Variants in SLC28A1 observed in about 807,000 individuals in gnomAD.
The protein encoded by SLC28A1 is solute carrier family 28 member 1.
A neutral mutation model predicts 74.8 loss-of-function variants in SLC28A1; 64 were observed. The ratio of observed to expected loss-of-function variants is 0.86; its 90% CI spans 0.70 to 1.05. The LOEUF (loss-of-function observed/expected upper bound fraction) is 1.05, where lower values mean the gene tolerates loss of function less well. SLC28A1 is among the 50% of genes least tolerant of loss of function. The pLI, the probability that SLC28A1 is intolerant of heterozygous loss-of-function variation, is 0.00. For missense variants in SLC28A1, 828 were observed against 822.8 expected (o/e 1.01, Z -0.08); for synonymous variants, 359 against 335.0 (o/e 1.07, Z -0.78).
At chr15:84,961,463 C>G in the SLC28A1 span, 1 of 452,644 alleles carries the variant, frequency 2.2e-6, no homozygotes, top group African/African-American at 2.0e-5. Flanking sequence ...TCCCAAGCAG[C>G]TGGGACTACA....
chr15:84,891,741 G>A (rs900590132), intron 5 of SLC28A1, among the ~76,000 whole-genome samples: 3 of 152,236 alleles, frequency 2.0e-5, no homozygotes, highest in Non-Finnish European at 4.4e-5. Context: ...GCGGATGGCA[G>A]ATGAGGCTGT....
chr15:84,903,459 G>A (rs1320520526), intron 6 of SLC28A1, among the ~76,000 whole-genome samples: 1 of 152,246 alleles, frequency 6.6e-6, no homozygotes, highest in Non-Finnish European at 1.5e-5. Flanking sequence ...GTAGTACCCA[G>A]TGAATTGATG....
chr15:84,928,296 C>T (rs1348808274), intron 12 of SLC28A1, among the ~76,000 whole-genome samples: 2 of 152,054 alleles, frequency 1.3e-5, no homozygotes, highest in Non-Finnish European at 2.9e-5. Flanking sequence ...GGAAAAGCAC[C>T]TAACAAACAA....
intron 15 of SLC28A1, chr15:84,938,368 T>A (rs1199900860): frequency 1.3e-5 from 2 of 152,042 alleles, no homozygotes; most frequent in African/African-American, 4.8e-5. Context: ...ATAGTAGGTG[T>A]ATAGATTTAT....
intron 16 of SLC28A1, among the ~76,000 whole-genome samples, chr15:84,944,209 C>A (rs1462754374): frequency 2.6e-5 from 4 of 152,224 alleles, no homozygotes; most frequent in Non-Finnish European, 4.4e-5. Context: ...GGTATAATCA[C>A]CCCATTTTAC....
Position 84,890,503 on chromosome 15 carries a change from T to G in SLC28A1, c.246T>G (p.Phe82Leu), listed in dbSNP as rs377187658. Residue 82 changes from phenylalanine to leucine, a missense_variant, in exon 5 of 19, where the codon TTT becomes TTG. Transcript: ENST00000394573. ...RSFCREHMQL[F>L]RWIGTGLLCT... Reference sequence around the variant, plus strand: ...TCTGCAGGGAGCACATGCAGCTGTTTCGATGGATCGGCACAGGCCTGCTCT... The same window carrying G: ...TCTGCAGGGAGCACATGCAGCTGTTGCGATGGATCGGCACAGGCCTGCTCT... The G allele has an allele frequency of 6.2e-7, 1 of 1,611,286 alleles. No individual in the cohort carries two copies. The highest frequency in any genetic ancestry group is 1.3e-5 in the African/African-American group (1 of 74,910).
the SLC28A1 span, among the ~76,000 whole-genome samples, chr15:84,965,907 G>GTGC: frequency 4.7e-5 from 7 of 149,850 alleles, no homozygotes; most frequent in African/African-American, 1.8e-4. Context: ...GCGGGGAGGG[G>GTGC]GGGGAAATAT....
chr15:84,900,805 C>T (rs572697264), intron 6 of SLC28A1, among the ~76,000 whole-genome samples: 114 of 150,268 alleles, frequency 7.6e-4, no homozygotes, highest in African/African-American at 2.8e-3. Flanking sequence ...ACAAAGCAGA[C>T]CCTGCCTCAA....
intron 9 of SLC28A1, among the ~76,000 whole-genome samples, chr15:84,909,199 C>A (rs919751275): frequency 6.6e-6 from 1 of 152,050 alleles, no homozygotes; most frequent in Non-Finnish European, 1.5e-5. Flanking sequence ...AAGGCTTAGG[C>A]TCAAATGATC....
the SLC28A1 span, among the ~76,000 whole-genome samples, chr15:84,959,189 G>A: frequency 2.7e-5 from 4 of 150,382 alleles, no homozygotes; most frequent in East Asian, 4.0e-4. Flanking sequence ...TTGCAGCCTC[G>A]ACCATCCCAG....
At chr15:84,918,796 C>T (rs1969451566) in intron 10 of SLC28A1, among the ~76,000 whole-genome samples, 192 bp downstream of exon 10, 1 of 151,426 alleles carries the variant, frequency 6.6e-6, no homozygotes, top group Admixed American at 6.6e-5. Context: ...AAGTTCCACA[C>T]CTTTCTGGAA....
At chr15:84,890,017 G>C (rs888841685) in intron 4 of SLC28A1, among the ~76,000 whole-genome samples, 3 of 152,054 alleles carry the variant, frequency 2.0e-5, no homozygotes, top group Admixed American at 2.0e-4. Context: ...TGTGTTTTTG[G>C]TAGAGAAGGG....
intron 16 of SLC28A1, among the ~76,000 whole-genome samples, chr15:84,944,096 T>C (rs1396138901): frequency 6.6e-6 from 1 of 152,134 alleles, no homozygotes; most frequent in Non-Finnish European, 1.5e-5. Flanking sequence ...ACACCCACAG[T>C]GGACAGGCAG....
At chr15:84,884,867 C>A in intron 1 of SLC28A1, 116 bp downstream of exon 1, 1 of 372,942 alleles carries the variant, frequency 2.7e-6, no homozygotes, top group Non-Finnish European at 3.7e-6. Flanking sequence ...TTCACTAGGG[C>A]TTGGCGAAGA....
intron 15 of SLC28A1, among the ~76,000 whole-genome samples, chr15:84,936,920 G>T (rs927480989): frequency 1.3e-5 from 2 of 152,036 alleles, no homozygotes; most frequent in African/African-American, 4.8e-5. Context: ...GGGTGCAGTG[G>T]TGCATGCCTG....
At chr15:84,890,225 G>A (rs1965208810) in intron 4 of SLC28A1, among the ~76,000 whole-genome samples, 1 of 152,230 alleles carries the variant, frequency 6.6e-6, no homozygotes, top group South Asian at 2.1e-4. Flanking sequence ...CTGGGGTAGT[G>A]GGGCCTGTGG....
chr15:84,895,431 C>T (rs764571177), intron 6 of SLC28A1: 6 of 1,613,840 alleles, frequency 3.7e-6, no homozygotes, highest in Non-Finnish European at 5.1e-6. Flanking sequence ...CCTCAGATCA[C>T]CTGGACAGTG....
chr15:84,887,524 A>C, intron 2 of SLC28A1: 1 of 985,240 alleles, frequency 1.0e-6, no homozygotes, highest in South Asian at 4.7e-5. Context: ...TCTCTAGAAA[A>C]AGGAAGAGGT....
Position 84,888,837 on chromosome 15 carries a change from G to A in SLC28A1, c.162G>A (p.Ala54=), listed in dbSNP as rs781301587. ...AGATCAGGAGCAGCTGGAGCGAGGC[G>A]GCGCCGAAGCCCTTCTCCAGATGGT... ...PAEIRSSWSE[A]APKPFSRWRN... Residue 54 remains alanine, a synonymous_variant, in exon 4 of 19, where the codon GCG becomes GCA. Transcript: ENST00000394573. 64 of 1,553,028 alleles carry A rather than the reference G, an allele frequency of 4.1e-5. 1 individual carries two copies. The South Asian group carries it at 4.5e-4, about 11-fold the overall frequency.
Sources: allele counts gnomAD v4.1 joint callset (sites outside exome capture counted in the v4.1 genomes callset), GRCh38; gene constraint gnomAD v4.1.1; transcripts MANE v1.5; gene names NCBI Gene and HGNC (gene_info 2026-07-23, HGNC 2026-07-21).